NRXN1: variants seen among roughly 807,000 people sequenced by gnomAD.
NRXN1 encodes the protein neurexin 1.
NRXN1 carries 39 observed loss-of-function variants against 150.9 expected under a neutral mutation model. The observed-to-expected ratio is 0.26, with a 90% CI of 0.20 to 0.34. The LOEUF is 0.34. Ranked by LOEUF, NRXN1 falls within the 10% of genes least tolerant of loss-of-function variation. NRXN1 has a pLI of 1.00. For synonymous variants in NRXN1, 924 were observed against 757.0 expected (o/e 1.22, Z -3.62); for missense variants, 1,815 against 1,949.9 (o/e 0.93, Z 1.30).
intron 18 of NRXN1, among the ~76,000 whole-genome samples, chr2:50,144,269 T>C (rs1707692576): frequency 6.6e-6 from 1 of 151,808 alleles, no homozygotes. Flanking sequence ...TTCATATTTT[T>C]CATTGTTGTT....
intron 18 of NRXN1, among the ~76,000 whole-genome samples, chr2:50,121,631 G>C (rs1703869223): frequency 6.6e-6 from 1 of 152,124 alleles, no homozygotes. Context: ...ACACTACATT[G>C]AAGGCTCACA....
rs968264521 is a variant in NRXN1, at chr2:49,987,758, CGT to C, written c.4129-43969_4129-43968del. Among the ~76,000 whole-genome samples the C allele has an allele frequency of 2.3e-4, 26 of 113,782 alleles. No homozygotes were observed. The East Asian group carries it at 5.0e-3, about 22-fold the overall frequency. 74.6% of individuals were successfully genotyped at this position (113,782 alleles called of 152,430 possible). A position where few individuals can be genotyped will look rare whatever the true frequency, so the allele number is the denominator to read the frequency against. Reference sequence around the variant, plus strand: ...CATAAATTTATTCTAGATGAAACAACGTTTTTTTTTTTTTGACTCAGCTGTGA... The same window carrying C: ...CATAAATTTATTCTAGATGAAACAACTTTTTTTTTTTTGACTCAGCTGTGA... On this transcript the variant is annotated intron_variant, in intron 21 of 22. Coordinates refer to ENST00000401669, the MANE Select transcript of NRXN1 (RefSeq NM_001330078.2).
At chr2:50,326,965 G>C (rs991023249) in intron 17 of NRXN1, among the ~76,000 whole-genome samples, 6 of 152,280 alleles carry the variant, frequency 3.9e-5, no homozygotes, top group South Asian at 4.1e-4. Flanking sequence ...ATCAGTGGAA[G>C]TTTAAAATCA....
In NRXN1 at chr2:50,813,099, C is replaced by T. The variant is rs147904160; in HGVS notation, c.832+108770G>A. Among the ~76,000 whole-genome samples, 629 of 151,816 alleles carry T rather than the reference C, an allele frequency of 4.1e-3. 3 individuals are homozygous for T. The highest frequency in any genetic ancestry group is 8.7e-3 in the South Asian group (42 of 4,818). ...GTCCCAGCTACATGGGAGGCTGAGT[C>T]GGGAGGATGGCTTGAGCCTGGGGGA... On this transcript the variant is annotated intron_variant, in intron 5 of 22. Transcript: ENST00000401669.
chr2:49,932,278 TG>T (rs1181637472), intron 22 of NRXN1, among the ~76,000 whole-genome samples: 1 of 151,922 alleles, frequency 6.6e-6, no homozygotes, highest in Non-Finnish European at 1.5e-5. Context: ...AAAATTAGCC[TG>T]GCATGGTGGC....
intron 18 of NRXN1, among the ~76,000 whole-genome samples, chr2:50,172,032 G>T (rs749980317): frequency 4.5e-4 from 69 of 152,212 alleles, no homozygotes; most frequent in Non-Finnish European, 5.4e-4. Context: ...CTACAGAAGA[G>T]AATTCAGTAC....
intron 5 of NRXN1, among the ~76,000 whole-genome samples, chr2:50,739,570 C>T (rs1267954632): frequency 2.0e-5 from 3 of 152,120 alleles, no homozygotes; most frequent in African/African-American, 7.2e-5. Flanking sequence ...CATTATCAGA[C>T]CTTACTAAAT....
At chr2:50,351,666 C>G (rs2078421834) in intron 17 of NRXN1, among the ~76,000 whole-genome samples, 1 of 152,042 alleles carries the variant, frequency 6.6e-6, no homozygotes, top group Admixed American at 6.6e-5. Context: ...AAAACTAACA[C>G]TTATTTCTAG....
chr2:50,259,341 G>A (rs1322900904), intron 17 of NRXN1, among the ~76,000 whole-genome samples: 2 of 151,812 alleles, frequency 1.3e-5, no homozygotes, highest in African/African-American at 4.8e-5. Flanking sequence ...CCTGGAAGGG[G>A]AGTAGAAGAT....
Position 50,922,652 on chromosome 2 carries a change from C to T in NRXN1, c.820+6G>A, listed in dbSNP as rs748128589. ...AAGCAGAGTGGAAAAGGAACAGAGC[C>T]CATACCTTGGTCGCCCATCATCAGG... On this transcript the variant is annotated splice_donor_region_variant and intron_variant, in intron 4 of 22. Transcript: ENST00000401669. 1 of 1,609,754 alleles carries T rather than the reference C, an allele frequency of 6.2e-7. No individual in the cohort carries two copies. Among genetic ancestry groups the T allele is most frequent in the South Asian group, 1.1e-5 (1 of 90,448 alleles).
At chr2:50,643,716 C>T (rs760231498) in intron 5 of NRXN1, among the ~76,000 whole-genome samples, 2 of 151,800 alleles carry the variant, frequency 1.3e-5, no homozygotes, top group East Asian at 1.9e-4. Flanking sequence ...TATGTACTTA[C>T]ATCGATTTCT....
At chr2:50,895,228 CACAA>C (rs1681736632) in intron 5 of NRXN1, among the ~76,000 whole-genome samples, 1 of 151,704 alleles carries the variant, frequency 6.6e-6, no homozygotes, top group South Asian at 2.1e-4. Flanking sequence ...CCTAAATGAC[CACAA>C]ACAATGAGCC....
chr2:50,673,798 C>G (rs1439782241), intron 5 of NRXN1, among the ~76,000 whole-genome samples: 1 of 152,056 alleles, frequency 6.6e-6, no homozygotes, highest in Non-Finnish European at 1.5e-5. Context: ...AAAACAATGA[C>G]ATGTAAGACA....
intron 5 of NRXN1, among the ~76,000 whole-genome samples, chr2:50,747,895 T>G (rs1299687658): frequency 6.6e-6 from 1 of 152,102 alleles, no homozygotes; most frequent in East Asian, 1.9e-4. Context: ...GGAGAAGGTG[T>G]ATATGGGATG....
chr2:50,989,628 G>A (rs575557786), intron 2 of NRXN1, among the ~76,000 whole-genome samples: 1 of 151,868 alleles, frequency 6.6e-6, no homozygotes, highest in African/African-American at 2.4e-5. Flanking sequence ...GCCTGTATTC[G>A]TATTTTGTTC....
At chr2:50,531,488 A>G in intron 10 of NRXN1, 58 bp from the exon 11 acceptor site, 2 of 1,276,976 alleles carry the variant, frequency 1.6e-6, no homozygotes, top group Non-Finnish European at 2.2e-6. Flanking sequence ...TTAATACTTT[A>G]AAGAGGAAAA....
At chr2:50,575,098 A>G (rs1671211720) in intron 8 of NRXN1, among the ~76,000 whole-genome samples, 1 of 152,178 alleles carries the variant, frequency 6.6e-6, no homozygotes, top group African/African-American at 2.4e-5. Context: ...ATAATTTCTA[A>G]AGTTGTGTAT....
At chr2:50,427,214 A>G (rs2084565620) in intron 17 of NRXN1, among the ~76,000 whole-genome samples, 1 of 152,224 alleles carries the variant, frequency 6.6e-6, no homozygotes, top group Admixed American at 6.5e-5. Context: ...ATAGGACGAT[A>G]TCCAAATGAG....
intron 5 of NRXN1, among the ~76,000 whole-genome samples, chr2:50,765,728 T>C (rs1702311166): frequency 6.6e-6 from 1 of 151,920 alleles, no homozygotes; most frequent in Non-Finnish European, 1.5e-5. Context: ...AGTATGAAAA[T>C]CTGAATATCA....
Sources: gnomAD v4.1 joint callset for allele counts (sites outside exome capture counted in the v4.1 genomes callset) on GRCh38, gnomAD v4.1.1 for gene constraint, MANE v1.5 for transcripts, NCBI Gene and HGNC (gene_info 2026-07-23, HGNC 2026-07-21) for gene names.